The following APBB2 variants were observed in gnomAD, a reference collection of about 807,000 sequenced individuals.
APBB2 encodes the protein amyloid beta precursor protein binding family B member 2.
In APBB2, 38 loss-of-function variants were observed where a neutral mutation model predicts 82.5. The ratio of observed to expected loss-of-function variants is 0.46; its 90% CI spans 0.36 to 0.60. The LOEUF is 0.60. Ranked by LOEUF, APBB2 falls within the 20% of genes least tolerant of loss-of-function variation. APBB2 has a pLI of 0.00. For missense variants in APBB2, 772 were observed against 972.3 expected (o/e 0.79, Z 2.74); for synonymous variants, 341 against 368.2 (o/e 0.93, Z 0.85).
chr4:40,890,357 G>A lies in APBB2; in HGVS notation c.1529+7C>T. 1 of 1,611,448 alleles carries A rather than the reference G, an allele frequency of 6.2e-7. No homozygotes were observed. Among genetic ancestry groups the A allele is most frequent in the Non-Finnish European group, 8.5e-7 (1 of 1,179,334 alleles). On this transcript the variant is annotated splice_region_variant and intron_variant, in intron 12 of 17. Coordinates refer to ENST00000508593, the MANE Select transcript of APBB2 (RefSeq NM_004307.2). Reference sequence around the variant, plus strand: ...GGTGACCCAGACTGCCCCACCCAGGGACTCACCGGCCATTGTCGCGGCCCA... The same window carrying A: ...GGTGACCCAGACTGCCCCACCCAGGAACTCACCGGCCATTGTCGCGGCCCA...
Position 41,127,202 on chromosome 4 carries a change from ACTGT to A in APBB2, c.-261+15781_-261+15784del. Among the ~76,000 whole-genome samples the A allele has an allele frequency of 6.6e-6, 1 of 152,152 alleles. No individual in the cohort carries two copies. The highest frequency in any genetic ancestry group is 2.4e-5 in the African/African-American group (1 of 41,536). ...AAAAAAAAAGCAACATATCTTTTTC[ACTGT>A]CTTTATGAAATACTTCATAAAGACA... On this transcript the variant is annotated intron_variant, in intron 2 of 17. Transcript: ENST00000508593. This position sits in a 1 kb window ranked among gnomAD's most constrained non-coding sequence, Gnocchi z 4.8.
At chr4:40,999,646 AATTTTT>A (rs1804593574) in intron 6 of APBB2, among the ~76,000 whole-genome samples, 1 of 152,174 alleles carries the variant, frequency 6.6e-6, no homozygotes, top group African/African-American at 2.4e-5. Context: ...TGAAAATTAG[AATTTTT>A]AAAATGCAGA....
intron 17 of APBB2, among the ~76,000 whole-genome samples, chr4:40,819,970 C>T (rs2154294887): frequency 6.6e-6 from 1 of 152,300 alleles, no homozygotes; most frequent in South Asian, 2.1e-4. Flanking sequence ...TGCCACCACG[C>T]CCGGCTGAAA....
intron 10 of APBB2, among the ~76,000 whole-genome samples, chr4:40,894,390 T>C (rs1177883985): frequency 1.3e-5 from 2 of 152,142 alleles, no homozygotes; most frequent in African/African-American, 2.4e-5. Flanking sequence ...GTTTTTTAAA[T>C]AGTGAGAAAT....
chr4:40,967,210 C>T (rs1462597727), intron 6 of APBB2, among the ~76,000 whole-genome samples: 2 of 152,128 alleles, frequency 1.3e-5, no homozygotes, highest in Non-Finnish European at 2.9e-5. Flanking sequence ...GCTGTTCTGT[C>T]ACTCAATAAA....
At chr4:40,988,664 CAA>C (rs373935285) in intron 6 of APBB2, among the ~76,000 whole-genome samples, 22,704 of 114,496 alleles carry the variant, frequency 0.2, 2,012 homozygotes, top group Middle Eastern at 0.26. Context: ...AAGACTGTCT[CAA>C]AAAAAAAAAA....
chr4:40,894,192 G>A (rs1360177723), intron 10 of APBB2, among the ~76,000 whole-genome samples: 1 of 151,358 alleles, frequency 6.6e-6, no homozygotes, highest in Non-Finnish European at 1.5e-5. Context: ...GGAGGCTGAA[G>A]CAGAAGAATG....
chr4:40,934,886 G>C (rs1578557454), intron 8 of APBB2, 187 bp from the exon 9 acceptor site: 1 of 674,788 alleles, frequency 1.5e-6, no homozygotes, highest in Non-Finnish European at 2.5e-6. Flanking sequence ...AAACAACGGG[G>C]AACCTAGGGC....
rs143013290 is a variant in APBB2 at position 41,178,059 on chromosome 4, AACACTT to A, written c.-416-34923_-416-34918del. On this transcript the variant is annotated intron_variant, in intron 1 of 17. Coordinates refer to ENST00000508593, the MANE Select transcript of APBB2 (RefSeq NM_004307.2). ...AGAAGAACCTACGTAAGAGTTTACT[AACACTT>A]TATGCTAAACAACTTCATGTCTAAC... 9.5e-3 allele frequency among the ~76,000 whole-genome samples: 1,440 copies of A among 152,296 alleles called. 31 individuals are homozygous for A. Among genetic ancestry groups the A allele is most frequent in the African/African-American group, 0.033 (1,359 of 41,544 alleles).
chr4:41,019,930 G>C (rs1811021594), intron 5 of APBB2, among the ~76,000 whole-genome samples: 1 of 151,892 alleles, frequency 6.6e-6, no homozygotes, highest in Non-Finnish European at 1.5e-5. Flanking sequence ...GAGACAGAGA[G>C]AGGAAGAGAC....
At chr4:40,876,323 A>G (rs1406631879) in intron 12 of APBB2, among the ~76,000 whole-genome samples, 1 of 152,128 alleles carries the variant, frequency 6.6e-6, no homozygotes, top group Non-Finnish European at 1.5e-5. Context: ...TATATCTGTA[A>G]CTCTCAAAGA....
intron 5 of APBB2, among the ~76,000 whole-genome samples, chr4:41,025,944 C>CAAA (rs71198626): frequency 5.1e-4 from 35 of 68,094 alleles, no homozygotes; most frequent in South Asian, 1.0e-3. Flanking sequence ...TCCATCTCCA[C>CAAA]AAAAAAAAAA....
intron 17 of APBB2, among the ~76,000 whole-genome samples, chr4:40,816,837 G>A (rs1289163585): frequency 1.3e-5 from 2 of 152,144 alleles, no homozygotes; most frequent in African/African-American, 4.8e-5. Context: ...AACACAGAAG[G>A]CATTCAGAAA....
At chr4:41,021,050 G>A (rs1017235754) in intron 5 of APBB2, among the ~76,000 whole-genome samples, 1 of 152,180 alleles carries the variant, frequency 6.6e-6, no homozygotes, top group Non-Finnish European at 1.5e-5. Context: ...CAGCCATCTT[G>A]CTATTACTTG....
chr4:40,934,910 G>C (rs959595369), intron 8 of APBB2, 167 bp downstream of exon 8: 2 of 690,160 alleles, frequency 2.9e-6, no homozygotes, highest in African/African-American at 1.8e-5. Context: ...CACAATGGGA[G>C]ACACCAAAAA....
In APBB2 at chr4:40,982,213, AAAAGAAAGGAAAGAAAGAAAG is replaced by A. The variant is rs1798691421; in HGVS notation, c.835+31349_835+31369del. 3.2e-3 allele frequency among the ~76,000 whole-genome samples: 95 copies of A among 29,656 alleles called. 10 individuals are homozygous for A. Among genetic ancestry groups the A allele is most frequent in the Middle Eastern group, 0.011 (1 of 88 alleles). 19.5% of individuals were successfully genotyped at this position (29,656 alleles called of 152,430 possible). A position where few individuals can be genotyped will look rare whatever the true frequency, so the allele number is the denominator to read the frequency against. ...AAAAAAGGAAAGAAAGAAAAGAAAGAAAAGAAAGGAAAGAAAGAAAGAAAGAAAGAAAGAAAGAAAGAAAGA... is the reference window on the plus strand; with the variant it reads ...AAAAAAGGAAAGAAAGAAAAGAAAGAAAAGAAAGAAAGAAAGAAAGAAAGA... On this transcript the variant is annotated intron_variant, in intron 6 of 17. Coordinates refer to ENST00000508593, the MANE Select transcript of APBB2 (RefSeq NM_004307.2).
intron 12 of APBB2, chr4:40,848,845 C>T (rs1442685614): frequency 1.0e-6 from 1 of 985,064 alleles, no homozygotes; most frequent in East Asian, 1.1e-4. Context: ...CCCTCATCAT[C>T]CTGATCATCA....
intron 6 of APBB2, among the ~76,000 whole-genome samples, chr4:40,971,403 A>G (rs1053157268): frequency 5.9e-5 from 9 of 152,218 alleles, no homozygotes; most frequent in African/African-American, 1.9e-4. Flanking sequence ...TAAATTCTCT[A>G]CTTATTCATT....
chr4:40,992,024 A>C (rs1441296717), intron 6 of APBB2, among the ~76,000 whole-genome samples: 1 of 152,152 alleles, frequency 6.6e-6, no homozygotes, highest in Non-Finnish European at 1.5e-5. Context: ...CACCACACTC[A>C]CACTGAAATT....
Sources: gnomAD v4.1 joint callset for allele counts (sites outside exome capture counted in the v4.1 genomes callset) on GRCh38, gnomAD v4.1.1 for gene constraint, Gnocchi (gnomAD v3.1) non-coding constraint, MANE v1.5 for transcripts, NCBI Gene and HGNC (gene_info 2026-07-23, HGNC 2026-07-21) for gene names.